The following ESS2 variants were observed in gnomAD, a reference collection of about 807,000 sequenced individuals.
The protein encoded by ESS2 is splicing factor ESS-2 homolog.
A neutral mutation model predicts 52.0 loss-of-function variants in ESS2; 31 were observed. The observed-to-expected ratio is 0.60, with a 90% CI of 0.45 to 0.81. The LOEUF (loss-of-function observed/expected upper bound fraction) is 0.81. Ranked by LOEUF, ESS2 falls within the 30% of genes least tolerant of loss-of-function variation. The probability of loss-of-function intolerance (pLI) is 0.00; values close to 1 mark genes in which losing one functional copy is unlikely to be tolerated. For missense variants in ESS2, 602 were observed against 637.2 expected, an observed-to-expected ratio of 0.94 and a Z score of 0.59; for synonymous variants, 285 against 259.2, an observed-to-expected ratio of 1.10 and a Z score of -0.95.
chr22:19,138,609 G>A (rs2083627364), intron 6 of ESS2: 6 of 555,524 alleles, frequency 1.1e-5, no homozygotes, highest in South Asian at 9.9e-5. Context: ...CAACTCCAGA[G>A]GATGCTGACG....
chr22:19,138,818 C>A (rs994646355), intron 6 of ESS2, among the ~76,000 whole-genome samples: 4 of 152,184 alleles, frequency 2.6e-5, no homozygotes, highest in Non-Finnish European at 4.4e-5. Context: ...CCCCAGCCAC[C>A]CCCTGGGGCT....
In ESS2 at chr22:19,131,693, C is replaced by T. The variant is rs771636715; in HGVS notation, c.*2503G>A. On this transcript the variant is annotated 3_prime_UTR_variant, in exon 10 of 10. Transcript: ENST00000252137. This position sits in a 1 kb window ranked among gnomAD's most constrained non-coding sequence, Gnocchi z 5.7. Reference sequence around the variant, plus strand: ...TGGAGCTTGGCGTCCAGGGCGACCTCCTCGAGTTCATCAAGTGCCAGGGAG... The same window carrying T: ...TGGAGCTTGGCGTCCAGGGCGACCTTCTCGAGTTCATCAAGTGCCAGGGAG... 2.5e-6 allele frequency: 4 copies of T among 1,614,128 alleles called. No individual in the cohort carries two copies. In the South Asian group the frequency reaches 3.3e-5, roughly 13 times the overall value.
In ESS2 at chr22:19,139,256, C is replaced by T. The variant is rs890258477; in HGVS notation, c.725G>A (p.Arg242Gln). The change falls in exon 6 of 10, where the codon CGG becomes CAG. Residue 242 changes from arginine to glutamine, a missense_variant. Coordinates refer to ENST00000252137, the MANE Select transcript of ESS2 (RefSeq NM_022719.3). ...PDEEQLFKKP[R>Q]QVVHKNTRFL... ...GCGCGTGTTCTTATGTACCACCTGC[C>T]GGGGCTTCTTAAACAGCTGCTCCTC... 1.1e-5 allele frequency: 18 copies of T among 1,605,856 alleles called. No homozygotes were observed. Among genetic ancestry groups the T allele is most frequent in the Middle Eastern group, 1.6e-4 (1 of 6,062 alleles).
chr22:19,132,853 C>T lies in ESS2; in HGVS notation c.*1343G>A. 4.5e-6 allele frequency: 1 copy of T among 221,058 alleles called. No individual in the cohort carries two copies. Among genetic ancestry groups the T allele is most frequent in the Non-Finnish European group, 9.1e-6 (1 of 110,006 alleles). 13.7% of individuals were successfully genotyped at this position (221,058 alleles called of 1,614,324 possible). A position where few individuals can be genotyped will look rare whatever the true frequency, so the allele number is the denominator to read the frequency against. On this transcript the variant is annotated 3_prime_UTR_variant, in exon 10 of 10. Transcript: ENST00000252137. This position sits in a 1 kb window ranked among gnomAD's most constrained non-coding sequence, Gnocchi z 4.2. The stretch of plus-strand genomic sequence containing the variant: ...CTGGCCTTGTGGGGGACAAGAGGGC[C>T]TCTGCCAGGGTCCACCCACCAGGCC...
chr22:19,142,450 G>C (rs977210529), intron 3 of ESS2, 88 bp downstream of exon 3: 21 of 1,212,540 alleles, frequency 1.7e-5, no homozygotes, highest in Non-Finnish European at 2.3e-5. Context: ...GTGGCCTGCA[G>C]CCCTCTGGAC....
chr22:19,140,190 G>A (rs1318413793), intron 3 of ESS2, among the ~76,000 whole-genome samples, 166 bp from the exon 4 acceptor site: 1 of 152,152 alleles, frequency 6.6e-6, no homozygotes, highest in Non-Finnish European at 1.5e-5. Context: ...TCCCCACGGG[G>A]GCAGAATCCA....
At position 19,134,244 on chromosome 22, in the gene ESS2, G is replaced by A. The variant is rs905020907; in HGVS notation, c.1383C>T (p.Asp461=). ...PLTQDPASIT[D]NLLQLPARRK... is the part of the protein sequence containing the mutation. The stretch of plus-strand genomic sequence containing the variant: ...GCCGGGCAGGGAGCTGCAGCAGGTT[G>A]TCCGTGATGGAGGCCGGGTCCTGTG... The change falls in exon 10 of 10, where the codon GAC becomes GAT. Residue 461 remains aspartate, a synonymous_variant. Transcript: ENST00000252137. 4 of 1,552,136 alleles carry A rather than the reference G, an allele frequency of 2.6e-6. No homozygotes were observed. The highest frequency in any genetic ancestry group is 3.9e-5 in the Admixed American group (2 of 51,662).
intron 3 of ESS2, among the ~76,000 whole-genome samples, chr22:19,140,755 G>A (rs1049913327): frequency 1.3e-5 from 2 of 152,220 alleles, no homozygotes; most frequent in Admixed American, 6.5e-5. Flanking sequence ...GTGAGGCTAT[G>A]CACAAGGCAC....
rs977264032 is a variant in ESS2, at chr22:19,142,719, C to G, written c.304+7G>C. 1.9e-6 allele frequency: 3 copies of G among 1,613,124 alleles called. No individual in the cohort carries two copies. In the African/African-American group the frequency reaches 4.0e-5, roughly 22 times the overall value. The stretch of plus-strand genomic sequence containing the variant: ...TCCCCTCTCCGCCACCCACAGGGTC[C>G]TCATACAGGGTGGCGGGGGCTCCCG... On this transcript the variant is annotated splice_region_variant and intron_variant, in intron 2 of 9. Coordinates refer to ENST00000252137, the MANE Select transcript of ESS2 (RefSeq NM_022719.3).
In ESS2 at chr22:19,131,684, G is replaced by C. The variant is rs773761943; in HGVS notation, c.*2512C>G. ...ACATCATCATGGAGCTTGGCGTCCAGGGCGACCTCCTCGAGTTCATCAAGT... is the reference window on the plus strand; with the variant it reads ...ACATCATCATGGAGCTTGGCGTCCACGGCGACCTCCTCGAGTTCATCAAGT... On this transcript the variant is annotated 3_prime_UTR_variant, in exon 10 of 10. Coordinates refer to ENST00000252137, the MANE Select transcript of ESS2 (RefSeq NM_022719.3). The surrounding 1 kb of genome is among the most constrained non-coding windows in gnomAD (Gnocchi z 5.7). 1 of 1,614,092 alleles carries C rather than the reference G, an allele frequency of 6.2e-7. No individual in the cohort carries two copies. The highest frequency in any genetic ancestry group is 8.5e-7 in the Non-Finnish European group (1 of 1,180,016).
chr22:19,134,596 G>A (rs1349649051), intron 9 of ESS2, 121 bp from the exon 10 acceptor site: 3 of 1,096,836 alleles, frequency 2.7e-6, no homozygotes, highest in South Asian at 1.8e-5. Flanking sequence ...GAGCTGAGGA[G>A]GATGGTACTG....
chr22:19,137,602 G>A (rs1187406085), intron 7 of ESS2, among the ~76,000 whole-genome samples, 170 bp from the exon 8 acceptor site: 1 of 152,114 alleles, frequency 6.6e-6, no homozygotes, highest in African/African-American at 2.4e-5. Context: ...CCTCCGAAAG[G>A]GAAATGCCAA....
chr22:19,132,549 C>T lies in ESS2; in HGVS notation c.*1647G>A. On this transcript the variant is annotated 3_prime_UTR_variant, in exon 10 of 10. Transcript: ENST00000252137. This position sits in a 1 kb window ranked among gnomAD's most constrained non-coding sequence, Gnocchi z 4.2. ...ATGGTGCAGTCGGCCTTCACGTAAA[C>T]TAAGTAGGCAGGTAGGATCTGAAGA... 6.9e-7 allele frequency: 1 copy of T among 1,440,838 alleles called. No homozygotes were observed. The highest frequency in any genetic ancestry group is 1.3e-5 in the South Asian group (1 of 75,186). 89.3% of individuals were successfully genotyped at this position (1,440,838 alleles called of 1,614,324 possible). A position where few individuals can be genotyped will look rare whatever the true frequency, so the allele number is the denominator to read the frequency against.
At position 19,132,362 on chromosome 22, in the gene ESS2, C is replaced by T; in HGVS notation, c.*1834G>A. 2 of 1,613,136 alleles carry T rather than the reference C, an allele frequency of 1.2e-6. No individual in the cohort carries two copies. Among genetic ancestry groups the T allele is most frequent in the Middle Eastern group, 3.3e-4 (2 of 6,062 alleles). On this transcript the variant is annotated 3_prime_UTR_variant, in exon 10 of 10. Coordinates refer to ENST00000252137, the MANE Select transcript of ESS2 (RefSeq NM_022719.3). This position sits in a 1 kb window ranked among gnomAD's most constrained non-coding sequence, Gnocchi z 4.2. ...ACAAGCTTGGAGCCAAAACCCAGCA[C>T]CGGCTGCTGGTGGTGCCCGAGAACG...
At chr22:19,144,145 G>C (rs2083743585) in intron 1 of ESS2, 1 of 1,057,730 alleles carries the variant, frequency 9.5e-7, no homozygotes. Context: ...TCACAACTGC[G>C]GTCTCTTTCC....
intron 8 of ESS2, 61 bp from the exon 9 acceptor site, chr22:19,135,236 C>T: frequency 7.0e-7 from 1 of 1,421,962 alleles, no homozygotes; most frequent in Non-Finnish European, 9.8e-7. Context: ...GGCAGCCCCT[C>T]ACACAGAAAG....
intron 9 of ESS2, 41 bp from the exon 10 acceptor site, chr22:19,134,516 G>A (rs766680966): frequency 2.0e-6 from 3 of 1,482,572 alleles, no homozygotes; most frequent in Non-Finnish European, 1.8e-6. Context: ...GGTTAGGTGG[G>A]CTGAGAGCTG....
chr22:19,132,253 T>A lies in ESS2; in HGVS notation c.*1943A>T, dbSNP rs1215285631. The stretch of plus-strand genomic sequence containing the variant: ...CCCAAAGCCACGTCTTCTGCCTCCT[T>A]CAAGAGGGAGGGGGAGGGCAAGTAC... On this transcript the variant is annotated 3_prime_UTR_variant, in exon 10 of 10. Transcript: ENST00000252137. The surrounding 1 kb of genome is among the most constrained non-coding windows in gnomAD (Gnocchi z 4.2). 1 of 1,611,874 alleles carries A rather than the reference T, an allele frequency of 6.2e-7. No homozygotes were observed. The highest frequency in any genetic ancestry group is 1.7e-5 in the Admixed American group (1 of 59,936).
chr22:19,132,206 C>T lies in ESS2; in HGVS notation c.*1990G>A. 6.2e-7 allele frequency: 1 copy of T among 1,612,596 alleles called. No individual in the cohort carries two copies. Among genetic ancestry groups the T allele is most frequent in the Non-Finnish European group, 8.5e-7 (1 of 1,178,872 alleles). ...TCCACATCGATGAGATCCTCAGCCACTCGTGGCTGCAGCCCCCCAAGCCCA... is the reference window on the plus strand; with the variant it reads ...TCCACATCGATGAGATCCTCAGCCATTCGTGGCTGCAGCCCCCCAAGCCCA... On this transcript the variant is annotated 3_prime_UTR_variant, in exon 10 of 10. Transcript: ENST00000252137. The surrounding 1 kb of genome is among the most constrained non-coding windows in gnomAD (Gnocchi z 4.2).
Sources: gnomAD v4.1 joint callset for allele counts (sites outside exome capture counted in the v4.1 genomes callset) on GRCh38, gnomAD v4.1.1 for gene constraint, Gnocchi (gnomAD v3.1) non-coding constraint, MANE v1.5 for transcripts, NCBI Gene and HGNC (gene_info 2026-07-23, HGNC 2026-07-21) for gene names.